CTNNA2: variants seen among roughly 807,000 people sequenced by gnomAD.
CTNNA2 encodes the protein catenin alpha 2.
Under a neutral mutation model 101.0 loss-of-function variants are expected in CTNNA2, and 42 were observed. That is an observed-to-expected ratio of 0.42 (90% CI 0.32 to 0.54). The LOEUF (loss-of-function observed/expected upper bound fraction) is 0.54, where lower values mean the gene tolerates loss of function less well. Among genes scored for constraint, CTNNA2 ranks in the 20% least tolerant of loss-of-function variants. The pLI is 0.14. For synonymous variants in CTNNA2, 450 were observed against 456.4 expected (o/e 0.99, Z 0.18); for missense variants, 871 against 1,223.1 (o/e 0.71, Z 4.29).
intron 2 of CTNNA2, among the ~76,000 whole-genome samples, chr2:79,291,944 G>C (rs1675831005): frequency 6.6e-6 from 1 of 152,122 alleles, no homozygotes; most frequent in South Asian, 2.1e-4. Flanking sequence ...TTAGTAACGG[G>C]ATTGAGGGGG....
chr2:80,548,468 C>A (rs948034561), intron 11 of CTNNA2, among the ~76,000 whole-genome samples: 8 of 152,118 alleles, frequency 5.3e-5, no homozygotes, highest in Non-Finnish European at 1.0e-4. Flanking sequence ...GCTAATTTTC[C>A]TCCCCCGAGC....
intron 12 of CTNNA2, among the ~76,000 whole-genome samples, chr2:80,571,080 GTCC>G (rs1022268297): frequency 1.3e-5 from 2 of 152,132 alleles, no homozygotes; most frequent in African/African-American, 4.8e-5. Context: ...CTTCTACGTT[GTCC>G]TCCTCCCCAT....
At chr2:80,219,295 G>T (rs772382624) in intron 7 of CTNNA2, among the ~76,000 whole-genome samples, 9 of 152,222 alleles carry the variant, frequency 5.9e-5, no homozygotes, top group South Asian at 2.1e-4. Context: ...TCTGCACAGT[G>T]AGAGGGGACT....
chr2:80,603,587 G>T (rs1265664227), intron 15 of CTNNA2: 1 of 152,146 alleles, frequency 6.6e-6, no homozygotes, highest in Non-Finnish European at 1.5e-5. Flanking sequence ...TAAAGCATAT[G>T]CATTTATTTT....
At chr2:79,450,390 C>A (rs1678877154) in intron 4 of CTNNA2, among the ~76,000 whole-genome samples, 1 of 151,954 alleles carries the variant, frequency 6.6e-6, no homozygotes, top group Non-Finnish European at 1.5e-5. Context: ...ATATGGGATT[C>A]TTTGTCTTTT....
At chr2:79,815,404 G>A (rs922745798) in intron 3 of CTNNA2, among the ~76,000 whole-genome samples, 9 of 152,064 alleles carry the variant, frequency 5.9e-5, no homozygotes, top group Non-Finnish European at 1.0e-4. Flanking sequence ...ATAGTTTCAC[G>A]ACTTAGATTT....
rs1678162593 is a variant in CTNNA2, at chr2:79,390,759, T to A, written c.-135+16746T>A. The stretch of plus-strand genomic sequence containing the variant: ...CATCCAAACTTGAAAATGTATATCA[T>A]GGATCCTTGTAAACCATCAATAATA... On this transcript the variant is annotated intron_variant, in intron 4 of 21. Coordinates refer to the CTNNA2 transcript ENST00000466387. Among the ~76,000 whole-genome samples, 3 of 152,220 alleles carry A rather than the reference T, an allele frequency of 2.0e-5. No homozygotes were observed. In the South Asian group the frequency reaches 6.2e-4, roughly 31 times the overall value.
At chr2:79,258,008 C>T (rs1674870984) in intron 2 of CTNNA2, among the ~76,000 whole-genome samples, 1 of 152,164 alleles carries the variant, frequency 6.6e-6, no homozygotes, top group Admixed American at 6.5e-5. Flanking sequence ...TCTGTCTTCA[C>T]ATGGCCATCT....
At chr2:79,479,492 A>G (rs559982029) in intron 4 of CTNNA2, among the ~76,000 whole-genome samples, 4 of 152,352 alleles carry the variant, frequency 2.6e-5, no homozygotes, top group African/African-American at 7.2e-5. Context: ...TTTAAATACA[A>G]TTACATTTAC....
intron 7 of CTNNA2, among the ~76,000 whole-genome samples, chr2:79,927,711 TATA>T (rs1687120157): frequency 6.6e-6 from 1 of 152,244 alleles, no homozygotes; most frequent in African/African-American, 2.4e-5. Flanking sequence ...GTTTTGATCA[TATA>T]ATGTTACTCT....
intron 3 of CTNNA2, among the ~76,000 whole-genome samples, chr2:79,815,005 T>C (rs1677371512): frequency 6.6e-6 from 1 of 152,196 alleles, no homozygotes; most frequent in Admixed American, 6.5e-5. Context: ...GTGGTTTTGA[T>C]TTGCATTTCC....
At chr2:80,443,795 A>G (rs1682820074) in intron 9 of CTNNA2, among the ~76,000 whole-genome samples, 1 of 152,246 alleles carries the variant, frequency 6.6e-6, no homozygotes, top group Non-Finnish European at 1.5e-5. Context: ...CACATTAAGT[A>G]TGAGATATCA....
At chr2:79,978,150 TTTAAC>T (rs1429726351) in intron 7 of CTNNA2, among the ~76,000 whole-genome samples, 11 of 152,114 alleles carry the variant, frequency 7.2e-5, no homozygotes, top group Non-Finnish European at 1.2e-4. Context: ...GAAGGATAGT[TTTAAC>T]TTAGGGAATT....
intron 4 of CTNNA2, among the ~76,000 whole-genome samples, chr2:79,386,592 A>C (rs1002555230): frequency 6.6e-6 from 1 of 152,082 alleles, no homozygotes. Context: ...TTCATAATAC[A>C]CTCTGTCTTA....
intron 2 of CTNNA2, among the ~76,000 whole-genome samples, chr2:79,270,182 A>G (rs991484571): frequency 6.6e-6 from 1 of 152,110 alleles, no homozygotes; most frequent in Admixed American, 6.6e-5. Context: ...TGAATTGGTC[A>G]CTTAAAAAGG....
chr2:79,541,370 G>T (rs1225027892), intron 1 of CTNNA2, among the ~76,000 whole-genome samples: 1 of 140,896 alleles, frequency 7.1e-6, no homozygotes, highest in Admixed American at 7.3e-5. Flanking sequence ...TTACACATAT[G>T]TATAAATACA....
chr2:79,959,191 G>A (rs1234830430), intron 7 of CTNNA2, among the ~76,000 whole-genome samples: 1 of 151,972 alleles, frequency 6.6e-6, no homozygotes, highest in Non-Finnish European at 1.5e-5. Context: ...GAGTAACTGG[G>A]CCTTTAGCTA....
intron 3 of CTNNA2, among the ~76,000 whole-genome samples, chr2:79,324,691 T>C (rs984126688): frequency 7.2e-5 from 11 of 151,952 alleles, no homozygotes; most frequent in African/African-American, 2.7e-4. Context: ...AGTAGGTCCC[T>C]GAAGGTCACA....
chr2:79,520,291 C>T (rs1339346097), intron 1 of CTNNA2, among the ~76,000 whole-genome samples: 1 of 152,130 alleles, frequency 6.6e-6, no homozygotes, highest in African/African-American at 2.4e-5. Context: ...TTCTTTTTTC[C>T]TATTCTAGAA....
Sources: gnomAD v4.1 joint callset for allele counts (sites outside exome capture counted in the v4.1 genomes callset) on GRCh38, gnomAD v4.1.1 for gene constraint, MANE v1.5 for transcripts, NCBI Gene and HGNC (gene_info 2026-07-23, HGNC 2026-07-21) for gene names.